The following MAP2K5 variants were observed in gnomAD, a reference collection of about 807,000 sequenced individuals.
The protein encoded by MAP2K5 is mitogen-activated protein kinase kinase 5.
MAP2K5 carries 49 observed loss-of-function variants against 83.1 expected under a neutral mutation model. The observed-to-expected ratio is 0.59, with a 90% confidence interval of 0.47 to 0.75. The LOEUF is 0.75. Among genes scored for constraint, MAP2K5 ranks in the 30% least tolerant of loss-of-function variants. The pLI, the probability that MAP2K5 is intolerant of heterozygous loss-of-function variation, is 0.00. For missense variants in MAP2K5, 457 were observed against 557.5 expected, an observed-to-expected ratio of 0.82 and a Z score of 1.82; for synonymous variants, 202 against 191.8, an observed-to-expected ratio of 1.05 and a Z score of -0.44.
Position 67,735,280 on chromosome 15 carries a change from G to T in MAP2K5, c.1074+7335G>T, listed in dbSNP as rs538614544. 2.0e-5 allele frequency among the ~76,000 whole-genome samples: 3 copies of T among 152,328 alleles called. No homozygotes were observed. The East Asian group carries it at 5.8e-4, about 29-fold the overall frequency. On this transcript the variant is annotated intron_variant, in intron 17 of 21. Transcript: ENST00000178640. ...AGACATCATCCCCAATGTGTGGGTA[G>T]CTTAGAAATGTGAAATTCTTCATTA...
At chr15:67,579,475 A>G (rs1333759541) in intron 3 of MAP2K5, among the ~76,000 whole-genome samples, 2 of 152,188 alleles carry the variant, frequency 1.3e-5, no homozygotes, top group African/African-American at 4.8e-5. Context: ...AGTGTTTCAC[A>G]TGTTTATGCC....
intron 2 of MAP2K5, among the ~76,000 whole-genome samples, chr15:67,556,278 T>C (rs1299566007): frequency 6.6e-6 from 1 of 152,194 alleles, no homozygotes; most frequent in Non-Finnish European, 1.5e-5. Context: ...CTCTCTTCTT[T>C]TTTCCGTGGA....
chr15:67,552,218 T>C lies in MAP2K5; in HGVS notation c.184+2136T>C, dbSNP rs1027531669. Among the ~76,000 whole-genome samples the C allele has an allele frequency of 1.3e-5, 2 of 152,248 alleles. No individual in the cohort carries two copies. Among genetic ancestry groups the C allele is most frequent in the Admixed American group, 6.5e-5 (1 of 15,286 alleles). ...TGTAATTAGTATTTTATTAGTCACA[T>C]TGAACTCTGTACTATAGAAAAATAG... On this transcript the variant is annotated intron_variant, in intron 2 of 21. Coordinates refer to ENST00000178640, the MANE Select transcript of MAP2K5 (RefSeq NM_145160.3). This position sits in a 1 kb window ranked among gnomAD's most constrained non-coding sequence, Gnocchi z 4.2.
intron 13 of MAP2K5, among the ~76,000 whole-genome samples, chr15:67,687,384 C>A (rs563121978): frequency 3.9e-5 from 6 of 152,092 alleles, no homozygotes; most frequent in Admixed American, 3.9e-4. Flanking sequence ...AAGAAACATC[C>A]CTATTGTTCA....
At position 67,543,246 on chromosome 15, in the gene MAP2K5, G is replaced by C. The variant is rs8037896; in HGVS notation, c.-90G>C. ...TGTTTTCACCCTCTGTCCTCTGCCC[G>C]TCACTCCCCTTGTCACCTCTTGGAG... On this transcript the variant is annotated 5_prime_UTR_variant, in exon 1 of 22. Transcript: ENST00000178640. This position sits in a 1 kb window ranked among gnomAD's most constrained non-coding sequence, Gnocchi z 4.3. The C allele has an allele frequency of 2.2e-6, 3 of 1,347,316 alleles. No homozygotes were observed. The allele number at this position is 1,347,316 out of a possible 1,614,324, so 83.5% of individuals were successfully genotyped here. A position where few individuals can be genotyped will look rare whatever the true frequency, so the allele number is the denominator to read the frequency against.
At position 67,760,570 on chromosome 15, in the gene MAP2K5, G is replaced by A. The variant is rs2089929924; in HGVS notation, c.1135-9032G>A. On this transcript the variant is annotated intron_variant, in intron 19 of 21. Transcript: ENST00000178640. This position sits in a 1 kb window ranked among gnomAD's most constrained non-coding sequence, Gnocchi z 4.1. ...CATCCCCATAATTTTGATTTAGTAA[G>A]TCAATTAGATTTGTGGGGATTTTTT... is the stretch of plus-strand genomic sequence containing the variant. Among the ~76,000 whole-genome samples the A allele has an allele frequency of 6.6e-6, 1 of 152,174 alleles. No homozygotes were observed. Among genetic ancestry groups the A allele is most frequent in the Non-Finnish European group, 1.5e-5 (1 of 68,026 alleles).
Position 67,774,046 on chromosome 15 carries a change from C to G in MAP2K5, c.1242+1294C>G, listed in dbSNP as rs1018634505. Among the ~76,000 whole-genome samples, 1 of 152,236 alleles carries G rather than the reference C, an allele frequency of 6.6e-6. No homozygotes were observed. Among genetic ancestry groups the G allele is most frequent in the African/African-American group, 2.4e-5 (1 of 41,540 alleles). ...ATAAAACATCTGCAGATCACACATA[C>G]GCCCATAAATGTATATGGATGTATA... On this transcript the variant is annotated intron_variant, in intron 21 of 21. Transcript: ENST00000178640. The surrounding 1 kb of genome is among the most constrained non-coding windows in gnomAD (Gnocchi z 4.9).
rs530963783 is a variant in MAP2K5, at chr15:67,780,448, G to A, written c.1242+7696G>A. 6.6e-6 allele frequency among the ~76,000 whole-genome samples: 1 copy of A among 152,222 alleles called. No homozygotes were observed. Among genetic ancestry groups the A allele is most frequent in the South Asian group, 2.1e-4 (1 of 4,808 alleles). On this transcript the variant is annotated intron_variant, in intron 21 of 21. Coordinates refer to ENST00000178640, the MANE Select transcript of MAP2K5 (RefSeq NM_145160.3). The surrounding 1 kb of genome is among the most constrained non-coding windows in gnomAD (Gnocchi z 5.0). ...GCTGTCATTTAGGCAAAACAGTGTT[G>A]GTTGCACATGCTATTCTCTCTAATC...
chr15:67,551,630 G>T (rs2084512908), intron 2 of MAP2K5, among the ~76,000 whole-genome samples: 1 of 152,046 alleles, frequency 6.6e-6, no homozygotes, highest in South Asian at 2.1e-4. Context: ...ACTGTGCCTG[G>T]CCCACTGTGG....
In MAP2K5 at chr15:67,665,559, A is replaced by G. The variant is rs1427466569; in HGVS notation, c.847+914A>G. ...AACTGATATTTTCAACTGTGATGTC[A>G]TATCTGTCACTAAGGGTTGTTTTCT... On this transcript the variant is annotated intron_variant, in intron 13 of 21. Transcript: ENST00000178640. The surrounding 1 kb of genome is among the most constrained non-coding windows in gnomAD (Gnocchi z 4.2). Among the ~76,000 whole-genome samples, 4 of 152,176 alleles carry G rather than the reference A, an allele frequency of 2.6e-5. No individual in the cohort carries two copies. The highest frequency in any genetic ancestry group is 5.9e-5 in the Non-Finnish European group (4 of 68,028).
At chr15:67,692,947 A>G (rs1448328253) in intron 14 of MAP2K5, among the ~76,000 whole-genome samples, 1 of 152,230 alleles carries the variant, frequency 6.6e-6, no homozygotes, top group East Asian at 1.9e-4. Context: ...AATGTGCAGC[A>G]CAAATTTTAA....
Position 67,585,898 on chromosome 15 carries a change from C to G in MAP2K5, c.331C>G (p.Pro111Ala). The G allele has an allele frequency of 2.5e-6, 4 of 1,613,906 alleles. No individual in the cohort carries two copies. The highest frequency in any genetic ancestry group is 2.5e-6 in the Non-Finnish European group (3 of 1,179,804). Residue 111 changes from proline (P) to alanine (A), a missense_variant, in exon 5 of 22, where the codon CCT (proline) becomes GCT (alanine). By Grantham distance (27) the Pro-to-Ala change is conservative (BLOSUM62 -1). Coordinates refer to ENST00000178640, the MANE Select transcript of MAP2K5 (RefSeq NM_145160.3). ...PLQIFPRACK[P>A]PGERNIHGLK... ...GTCAATTACTGTTTCAGCCTGCAAG[C>G]CTCCTGGGGAACGGAACATACATGG... is the stretch of plus-strand genomic sequence containing the variant.
chr15:67,578,644 G>A (rs1171718711), intron 3 of MAP2K5, among the ~76,000 whole-genome samples: 1 of 151,940 alleles, frequency 6.6e-6, no homozygotes, highest in Non-Finnish European at 1.5e-5. Flanking sequence ...GTTAGTCGTA[G>A]TACAGAGAGA....
intron 21 of MAP2K5, among the ~76,000 whole-genome samples, chr15:67,787,215 T>C (rs1425569919): frequency 6.6e-6 from 1 of 152,260 alleles, no homozygotes; most frequent in Non-Finnish European, 1.5e-5. Flanking sequence ...TGCATAGGAA[T>C]GTCCTAACCC....
chr15:67,642,767 T>G (rs2086742107), intron 9 of MAP2K5, among the ~76,000 whole-genome samples: 1 of 152,142 alleles, frequency 6.6e-6, no homozygotes, highest in Non-Finnish European at 1.5e-5. Context: ...TTGAATGTCA[T>G]GCTAGAGTTT....
chr15:67,773,865 TG>T (rs1596951423), intron 21 of MAP2K5, among the ~76,000 whole-genome samples: 1 of 152,232 alleles, frequency 6.6e-6, no homozygotes, highest in South Asian at 2.1e-4. Context: ...TGAGAAAACT[TG>T]GAACAGGTTC....
At chr15:67,628,927 G>A in intron 8 of MAP2K5, 1 of 755,544 alleles carries the variant, frequency 1.3e-6, no homozygotes, top group South Asian at 1.3e-5. Context: ...AATAATGGAA[G>A]CAATTTTGGA....
chr15:67,595,976 C>CTTTTTTTTTTTTTTTTTTT (rs11335365), intron 7 of MAP2K5, among the ~76,000 whole-genome samples: 1 of 144,948 alleles, frequency 6.9e-6, no homozygotes, highest in Non-Finnish European at 1.5e-5. Flanking sequence ...GTTATTTTTT[C>CTTTTTTTTTTTTTTTTTTT]TTTTTTTTTT....
At chr15:67,549,299 A>G in intron 1 of MAP2K5, 1 of 1,092,096 alleles carries the variant, frequency 9.2e-7, no homozygotes, top group Non-Finnish European at 1.3e-6. Flanking sequence ...CATTGATGTC[A>G]GATTATATAC....
Sources: allele counts gnomAD v4.1 joint callset (sites outside exome capture counted in the v4.1 genomes callset), GRCh38; gene constraint gnomAD v4.1.1; non-coding constraint Gnocchi (gnomAD v3.1); transcripts MANE v1.5; gene names NCBI Gene and HGNC (gene_info 2026-07-23, HGNC 2026-07-21).